The following SGCZ variants were observed in gnomAD, a reference collection of about 807,000 sequenced individuals.
SGCZ encodes zeta-sarcoglycan.
Under a neutral mutation model 41.3 loss-of-function variants are expected in SGCZ, and 40 were observed. The ratio of observed to expected loss-of-function variants is 0.97; its 90% CI spans 0.75 to 1.26. SGCZ has a LOEUF of 1.26. Among genes scored for constraint, SGCZ ranks in the 50% most tolerant of loss-of-function variants. The probability of loss-of-function intolerance (pLI) is 0.00; values close to 1 mark genes in which losing one functional copy is unlikely to be tolerated. For missense variants in SGCZ, 552 were observed against 369.8 expected, an observed-to-expected ratio of 1.49 and a Z score of -4.04; for synonymous variants, 206 against 137.5, an observed-to-expected ratio of 1.50 and a Z score of -3.49.
At chr8:14,205,298 C>A (rs1366361016) in intron 4 of SGCZ, among the ~76,000 whole-genome samples, 1 of 152,050 alleles carries the variant, frequency 6.6e-6, no homozygotes, top group Non-Finnish European at 1.5e-5. Flanking sequence ...AGTCATTAGG[C>A]AATGTTCTCT....
At chr8:15,142,188 GA>G (rs1798907823) in intron 1 of SGCZ, among the ~76,000 whole-genome samples, 1 of 152,158 alleles carries the variant, frequency 6.6e-6, no homozygotes. Flanking sequence ...TTTTGATTAA[GA>G]GGGAGCAGAT....
chr8:14,310,872 G>A (rs1032941015), intron 3 of SGCZ, among the ~76,000 whole-genome samples: 2 of 152,076 alleles, frequency 1.3e-5, no homozygotes, highest in African/African-American at 4.8e-5. Flanking sequence ...CAGAGTCTCA[G>A]GGTAGACCAA....
chr8:14,286,831 G>A (rs887080663), intron 3 of SGCZ, among the ~76,000 whole-genome samples: 1 of 152,088 alleles, frequency 6.6e-6, no homozygotes, highest in Non-Finnish European at 1.5e-5. Flanking sequence ...TAGAAAGATT[G>A]AAGCAATTTG....
chr8:15,164,412 G>C (rs1393507678), intron 1 of SGCZ, among the ~76,000 whole-genome samples: 1 of 152,056 alleles, frequency 6.6e-6, no homozygotes, highest in Non-Finnish European at 1.5e-5. Context: ...TCCATGACAG[G>C]ACTGGGACGC....
At chr8:15,186,280 AAAAAAAAAAAAAAAAAAAAAGTT>A (rs1309624999) in intron 1 of SGCZ, among the ~76,000 whole-genome samples, 420 of 27,632 alleles carry the variant, frequency 0.015, 2 homozygotes, top group Non-Finnish European at 0.042. Context: ...AAAAAAAAAA[AAAAAAAAAAAAAAAAAAAAAGTT>A]AATTTCTCTC....
At chr8:15,159,895 T>G (rs1799459793) in intron 1 of SGCZ, among the ~76,000 whole-genome samples, 1 of 151,600 alleles carries the variant, frequency 6.6e-6, no homozygotes, top group African/African-American at 2.4e-5. Flanking sequence ...AAATGGTAAG[T>G]GTGCTACAAC....
chr8:14,505,057 G>T (rs1802264870), intron 2 of SGCZ, among the ~76,000 whole-genome samples: 1 of 152,104 alleles, frequency 6.6e-6, no homozygotes. Flanking sequence ...GCTGAGGCAT[G>T]AGAATGGCTT....
chr8:14,268,990 A>G (rs1040638178), intron 3 of SGCZ, among the ~76,000 whole-genome samples: 1 of 151,912 alleles, frequency 6.6e-6, no homozygotes, highest in African/African-American at 2.4e-5. Flanking sequence ...TTACCTGTAA[A>G]TAGAAAATAG....
chr8:14,671,521 T>A (rs1808101441), intron 1 of SGCZ, among the ~76,000 whole-genome samples: 1 of 152,172 alleles, frequency 6.6e-6, no homozygotes, highest in Admixed American at 6.5e-5. Context: ...CAAACACAAT[T>A]AAATTTCAAG....
At chr8:14,121,089 C>T (rs1001951811) in intron 5 of SGCZ, among the ~76,000 whole-genome samples, 55 of 152,166 alleles carry the variant, frequency 3.6e-4, no homozygotes, top group African/African-American at 1.3e-3. Context: ...AATAGCCTAA[C>T]GGCTAAGAGA....
intron 1 of SGCZ, among the ~76,000 whole-genome samples, chr8:14,768,147 A>T: frequency 6.6e-6 from 1 of 152,170 alleles, no homozygotes; most frequent in African/African-American, 2.4e-5. Context: ...AATATGTTTA[A>T]CTCTGCCTAC....
intron 1 of SGCZ, among the ~76,000 whole-genome samples, chr8:15,058,881 T>C (rs1370157250): frequency 4.6e-5 from 7 of 152,220 alleles, no homozygotes; most frequent in Admixed American, 1.3e-4. Context: ...TACACATAGA[T>C]AGAATATTGT....
At chr8:15,128,606 G>A (rs1384836813) in intron 1 of SGCZ, among the ~76,000 whole-genome samples, 1 of 152,130 alleles carries the variant, frequency 6.6e-6, no homozygotes, top group Non-Finnish European at 1.5e-5. Context: ...AATCTCAGAA[G>A]CGCCCTGTGA....
intron 1 of SGCZ, among the ~76,000 whole-genome samples, chr8:14,816,255 A>C (rs944997594): frequency 2.0e-5 from 3 of 152,222 alleles, no homozygotes; most frequent in African/African-American, 7.2e-5. Flanking sequence ...TGAGCAGCAC[A>C]GTTCTACAGC....
At chr8:14,776,150 G>A (rs2256689) in intron 1 of SGCZ, among the ~76,000 whole-genome samples, 6 of 151,968 alleles carry the variant, frequency 3.9e-5, no homozygotes, top group African/African-American at 7.3e-5. Flanking sequence ...GATTTGAAGC[G>A]TATTTTATAT....
intron 1 of SGCZ, among the ~76,000 whole-genome samples, chr8:15,127,194 A>T (rs937238781): frequency 2.0e-5 from 3 of 152,012 alleles, no homozygotes; most frequent in African/African-American, 7.2e-5. Context: ...ATCCCCTAAG[A>T]CATCTAACCC....
intron 1 of SGCZ, among the ~76,000 whole-genome samples, chr8:15,068,052 G>C (rs761744206): frequency 6.6e-6 from 1 of 152,184 alleles, no homozygotes; most frequent in African/African-American, 2.4e-5. Context: ...GAGTGGTTGG[G>C]TCATAGGACA....
chr8:15,000,798 C>G (rs1178328889), intron 1 of SGCZ, among the ~76,000 whole-genome samples: 1 of 152,204 alleles, frequency 6.6e-6, no homozygotes, highest in African/African-American at 2.4e-5. Flanking sequence ...AAATCTGCTG[C>G]AGTCCGCCAT....
At chr8:14,109,453 G>T (rs1378756311) in intron 5 of SGCZ, among the ~76,000 whole-genome samples, 1 of 152,044 alleles carries the variant, frequency 6.6e-6, no homozygotes, top group Non-Finnish European at 1.5e-5. Flanking sequence ...TAAACTTGAT[G>T]ATTTTGTTTT....
Sources: allele counts gnomAD v4.1 joint callset (sites outside exome capture counted in the v4.1 genomes callset), GRCh38; gene constraint gnomAD v4.1.1; transcripts MANE v1.5; gene names NCBI Gene and HGNC (gene_info 2026-07-23, HGNC 2026-07-21).